PTCHD4: variants seen among roughly 807,000 people sequenced by gnomAD.
PTCHD4 encodes the protein patched domain-containing protein 4.
PTCHD4 carries 33 observed loss-of-function variants against 58.1 expected under a neutral mutation model. The ratio of observed to expected loss-of-function variants is 0.57; its 90% CI spans 0.43 to 0.76. PTCHD4 has a LOEUF of 0.76. PTCHD4 is among the 30% of genes least tolerant of loss of function. The probability of loss-of-function intolerance (pLI) is 0.00; values close to 1 mark genes in which losing one functional copy is unlikely to be tolerated. For synonymous variants in PTCHD4, 478 were observed against 409.6 expected (o/e 1.17, Z -2.02); for missense variants, 1,058 against 1,027.1 (o/e 1.03, Z -0.41).
At chr6:48,024,403 T>C (rs1434266843) in intron 3 of PTCHD4, among the ~76,000 whole-genome samples, 1 of 152,096 alleles carries the variant, frequency 6.6e-6, no homozygotes, top group East Asian at 1.9e-4. Flanking sequence ...ACCTAGAACT[T>C]GCTCTTAGGT....
intron 4 of PTCHD4, among the ~76,000 whole-genome samples, chr6:47,984,035 C>A (rs1275936302): frequency 6.6e-6 from 1 of 152,030 alleles, no homozygotes; most frequent in South Asian, 2.1e-4. Context: ...TGACAAACAT[C>A]ATCAATAAGT....
chr6:47,889,869 T>G (rs1456686047), intron 4 of PTCHD4, among the ~76,000 whole-genome samples: 2 of 151,806 alleles, frequency 1.3e-5, no homozygotes, highest in Admixed American at 1.3e-4. Context: ...CTAATTAAAC[T>G]AAAGAGCTTC....
Position 48,096,457 on chromosome 6 carries a change from C to T in PTCHD4, c.-970+14592G>A, listed in dbSNP as rs200005628. On this transcript the variant is annotated intron_variant, in intron 1 of 4. Coordinates refer to ENST00000339488, the MANE Select transcript of PTCHD4 (RefSeq NM_001384253.1). ...TAAAACCCCATCTTTACTAAAAATA[C>T]AAAAATTAGCTGGGCGTGGTGGCGG... Among the ~76,000 whole-genome samples the T allele has an allele frequency of 1.1e-4, 16 of 151,836 alleles. No individual in the cohort carries two copies. In the East Asian group the frequency reaches 1.6e-3, roughly 15 times the overall value.
chr6:48,097,604 T>C (rs534296292), intron 1 of PTCHD4, among the ~76,000 whole-genome samples: 3 of 152,304 alleles, frequency 2.0e-5, no homozygotes, highest in Admixed American at 6.5e-5. Flanking sequence ...CTTTGAATTA[T>C]TTAAATCAGC....
intron 1 of PTCHD4, among the ~76,000 whole-genome samples, chr6:48,101,253 T>C (rs938206990): frequency 8.5e-5 from 13 of 152,116 alleles, no homozygotes; most frequent in Admixed American, 3.3e-4. Flanking sequence ...AATTAAAAAA[T>C]AGAATTCAAT....
chr6:48,062,901 T>C (rs897027188), intron 3 of PTCHD4, among the ~76,000 whole-genome samples: 1 of 152,138 alleles, frequency 6.6e-6, no homozygotes, highest in Non-Finnish European at 1.5e-5. Flanking sequence ...CTGGCCTGAC[T>C]CTATCATTTT....
intron 4 of PTCHD4, among the ~76,000 whole-genome samples, chr6:47,912,132 C>A (rs1467386024): frequency 6.6e-6 from 1 of 152,080 alleles, no homozygotes. Flanking sequence ...CACTCCCCTC[C>A]AGCATCTGTG....
chr6:47,885,401 C>T lies in PTCHD4; in HGVS notation c.899-5465G>A, dbSNP rs540403011. ...CTACATGGCAGCTTGCTAACATGCC[C>T]CCATTTAACAATGATTTGGTAAGTT... On this transcript the variant is annotated intron_variant, in intron 4 of 4. Transcript: ENST00000339488. 5.9e-5 allele frequency among the ~76,000 whole-genome samples: 9 copies of T among 152,154 alleles called. No individual in the cohort carries two copies. The East Asian group carries it at 1.7e-3, about 29-fold the overall frequency.
At chr6:48,020,622 G>C (rs928947934) in intron 3 of PTCHD4, among the ~76,000 whole-genome samples, 6 of 152,020 alleles carry the variant, frequency 3.9e-5, no homozygotes, top group African/African-American at 1.4e-4. Context: ...CAAATAAAGG[G>C]AGGATAAAGT....
At chr6:47,999,558 G>A (rs893876390) in intron 4 of PTCHD4, among the ~76,000 whole-genome samples, 1 of 152,116 alleles carries the variant, frequency 6.6e-6, no homozygotes, top group Admixed American at 6.6e-5. Flanking sequence ...CTTTAGCCAA[G>A]CATTAAGTCT....
chr6:47,969,021 T>G (rs1168146172), intron 4 of PTCHD4, among the ~76,000 whole-genome samples: 1 of 152,214 alleles, frequency 6.6e-6, no homozygotes, highest in Non-Finnish European at 1.5e-5. Flanking sequence ...TGCATAAACT[T>G]TATAATAATC....
Position 48,027,214 on chromosome 6 carries a change from A to G in PTCHD4, c.418-18100T>C, listed in dbSNP as rs79225182. Among the ~76,000 whole-genome samples, 694 of 152,250 alleles carry G rather than the reference A, an allele frequency of 4.6e-3. 3 individuals are homozygous for G. The highest frequency in any genetic ancestry group is 0.015 in the African/African-American group (643 of 41,564). Reference sequence around the variant, plus strand: ...TAAAAAGTTCTATTCAAATTGGCTAAGAGATAAATAAGTGCTTATTATAAA... The same window carrying G: ...TAAAAAGTTCTATTCAAATTGGCTAGGAGATAAATAAGTGCTTATTATAAA... On this transcript the variant is annotated intron_variant, in intron 3 of 4. Transcript: ENST00000339488.
intron 4 of PTCHD4, among the ~76,000 whole-genome samples, chr6:47,956,686 G>A (rs1766875350): frequency 6.6e-6 from 1 of 152,044 alleles, no homozygotes; most frequent in South Asian, 2.1e-4. Context: ...GCCTGCCTCG[G>A]CCTCCTAAAG....
rs1000635787 is a variant in PTCHD4 at position 48,008,967 on chromosome 6, C to T, written c.565G>A (p.Glu189Lys). Residue 189 changes from glutamate (E) to lysine (K), a missense_variant, in exon 4 of 5, where the codon GAG becomes AAG. By Grantham distance (56) the Glu-to-Lys change is moderately conservative. Coordinates refer to ENST00000339488, the MANE Select transcript of PTCHD4 (RefSeq NM_001384253.1). ...TTACAGAACTCATTCTCCCACTTCT[C>T]CCCTATGAGGTCTTGGGTGGCAGAG... is the stretch of plus-strand genomic sequence containing the variant. ...YGSATQDLIGEKWENEFCKLI... is the reference protein window; with the variant it reads ...YGSATQDLIGKKWENEFCKLI... 6.2e-7 allele frequency: 1 copy of T among 1,613,972 alleles called. No individual in the cohort carries two copies. Among genetic ancestry groups the T allele is most frequent in the African/African-American group, 1.3e-5 (1 of 75,052 alleles).
intron 3 of PTCHD4, among the ~76,000 whole-genome samples, chr6:48,042,407 CA>C (rs1277545708): frequency 2.0e-5 from 3 of 151,914 alleles, no homozygotes; most frequent in Non-Finnish European, 4.4e-5. Context: ...ATTTAATCTT[CA>C]AAATAAGGAT....
chr6:48,101,833 T>C (rs143831449), intron 1 of PTCHD4, among the ~76,000 whole-genome samples: 2 of 152,182 alleles, frequency 1.3e-5, no homozygotes, highest in Admixed American at 6.5e-5. Context: ...ATTCTTTTAC[T>C]CCTTCTCTCC....
At chr6:47,896,798 T>G (rs571353661) in intron 4 of PTCHD4, among the ~76,000 whole-genome samples, 6 of 152,278 alleles carry the variant, frequency 3.9e-5, no homozygotes, top group Admixed American at 1.3e-4. Flanking sequence ...CACTCTCCTC[T>G]CATTTAATGG....
intron 4 of PTCHD4, among the ~76,000 whole-genome samples, chr6:48,007,410 C>T (rs564008374): frequency 8.5e-5 from 13 of 152,262 alleles, no homozygotes; most frequent in Admixed American, 2.0e-4. Context: ...GCCTATGTCA[C>T]CTAGAAGACT....
At chr6:47,989,858 A>G (rs113588657) in intron 4 of PTCHD4, among the ~76,000 whole-genome samples, 3,826 of 152,266 alleles carry the variant, frequency 0.025, 76 homozygotes, top group South Asian at 0.055. Context: ...GAGCTGTGCG[A>G]AGAAGGCCAC....
Sources: allele counts gnomAD v4.1 joint callset (sites outside exome capture counted in the v4.1 genomes callset), GRCh38; gene constraint gnomAD v4.1.1; transcripts MANE v1.5; gene names NCBI Gene and HGNC (gene_info 2026-07-23, HGNC 2026-07-21).